The following LAMA3 variants were observed in gnomAD, a reference collection of about 807,000 sequenced individuals.
The protein encoded by LAMA3 is laminin subunit alpha-3.
A neutral mutation model predicts 402.0 loss-of-function variants in LAMA3; 281 were observed. The ratio of observed to expected loss-of-function variants is 0.70; its 90% CI spans 0.63 to 0.77. The LOEUF (loss-of-function observed/expected upper bound fraction) is 0.77. LAMA3 is among the 30% of genes least tolerant of loss of function. The probability of loss-of-function intolerance (pLI) is 0.00; values close to 1 mark genes in which losing one functional copy is unlikely to be tolerated. For missense variants in LAMA3, 3,840 were observed against 4,215.5 expected (o/e 0.91, Z 2.47); for synonymous variants, 1,431 against 1,558.4 (o/e 0.92, Z 1.93).
rs141466075 is a variant in LAMA3 at position 23,742,650 on chromosome 18, A to ATGTGTG, written c.448-5269_448-5264dup. Reference sequence around the variant, plus strand: ...GTAACTTCCTTTCAAAGAATCAAAAATGTGTGTGTGTGTGTGTGTGTGTGT... The same window carrying ATGTGTG: ...GTAACTTCCTTTCAAAGAATCAAAAATGTGTGTGTGTGTGTGTGTGTGTGTGTGTGT... On this transcript the variant is annotated intron_variant, in intron 2 of 74. Coordinates refer to ENST00000313654, the MANE Select transcript of LAMA3 (RefSeq NM_198129.4). Among the ~76,000 whole-genome samples the ATGTGTG allele has an allele frequency of 1.8e-3, 270 of 148,034 alleles. 2 individuals are homozygous for ATGTGTG. The highest frequency in any genetic ancestry group is 3.6e-3 in the Admixed American group (54 of 14,868).
intron 59 of LAMA3, 53 bp from the exon 60 acceptor site, chr18:23,916,498 G>A: frequency 1.3e-6 from 2 of 1,589,798 alleles, no homozygotes; most frequent in Non-Finnish European, 1.7e-6. Context: ...AAGCACACTG[G>A]CATGGTGATC....
intron 1 of LAMA3, among the ~76,000 whole-genome samples, chr18:23,709,259 G>A (rs977414025): frequency 6.6e-6 from 1 of 151,660 alleles, no homozygotes; most frequent in Non-Finnish European, 1.5e-5. Flanking sequence ...TTTTAGTAGA[G>A]ACGGGGTTTC....
At chr18:23,819,785 T>A (rs2063247762) in intron 18 of LAMA3, 56 bp from the exon 19 acceptor site, 9 of 1,461,824 alleles carry the variant, frequency 6.2e-6, no homozygotes, top group Middle Eastern at 1.7e-4. Flanking sequence ...TTAAAAGATG[T>A]TCAGATGATC....
In LAMA3 at chr18:23,897,451, A is replaced by G. The variant is rs1472514995; in HGVS notation, c.5614-1287A>G. Among the ~76,000 whole-genome samples the G allele has an allele frequency of 2.0e-5, 3 of 152,330 alleles. No homozygotes were observed. In the South Asian group the frequency reaches 6.2e-4, roughly 32 times the overall value. On this transcript the variant is annotated intron_variant, in intron 44 of 74. Transcript: ENST00000313654. ...CCACTGGCTTGCTTGGATTTCATCAACATGGCCCTGCAGCCTTCACCATTC... is the reference window on the plus strand; with the variant it reads ...CCACTGGCTTGCTTGGATTTCATCAGCATGGCCCTGCAGCCTTCACCATTC...
chr18:23,844,715 A>G (rs1428108994), intron 29 of LAMA3, among the ~76,000 whole-genome samples: 1 of 152,184 alleles, frequency 6.6e-6, no homozygotes, highest in Non-Finnish European at 1.5e-5. Context: ...CTTATCTGAA[A>G]TGATTGGGAC....
chr18:23,729,562 C>T (rs4800166), intron 2 of LAMA3, among the ~76,000 whole-genome samples: 7,571 of 152,084 alleles, frequency 0.05, 443 homozygotes, highest in Admixed American at 0.18. Context: ...TGTAAGTCTT[C>T]GAAAACTCTT....
At position 23,894,901 on chromosome 18, in the gene LAMA3, C is replaced by A. The variant is rs2080821703; in HGVS notation, c.5462-6C>A. 6.2e-7 allele frequency: 1 copy of A among 1,614,062 alleles called. No homozygotes were observed. Among genetic ancestry groups the A allele is most frequent in the Admixed American group, 1.7e-5 (1 of 60,008 alleles). ...GCACATTTGCCTTTGATTGTGGCCC[C>A]TACAGATTGCGACAGCTGTGTGATG... On this transcript the variant is annotated splice_region_variant and splice_polypyrimidine_tract_variant and intron_variant, in intron 43 of 74. Transcript: ENST00000313654.
chr18:23,709,189 G>A (rs929047257), intron 1 of LAMA3, among the ~76,000 whole-genome samples: 4 of 151,970 alleles, frequency 2.6e-5, no homozygotes, highest in African/African-American at 9.7e-5. Flanking sequence ...TCCCAACTCA[G>A]CCTCCCAAGT....
At chr18:23,793,092 A>G (rs1305340239) in intron 12 of LAMA3, among the ~76,000 whole-genome samples, 2 of 152,154 alleles carry the variant, frequency 1.3e-5, no homozygotes, top group Non-Finnish European at 2.9e-5. Context: ...TTCCACATTA[A>G]GGAATGGGCA....
chr18:23,895,207 G>C, intron 44 of LAMA3, 149 bp downstream of exon 44: 1 of 910,664 alleles, frequency 1.1e-6, no homozygotes, highest in South Asian at 1.5e-5. Flanking sequence ...GACTTTTCCT[G>C]GTGGAAAATC....
intron 38 of LAMA3, among the ~76,000 whole-genome samples, chr18:23,875,990 A>T (rs1035072468): frequency 6.6e-6 from 1 of 152,006 alleles, no homozygotes; most frequent in Non-Finnish European, 1.5e-5. Context: ...AAATATTCAC[A>T]CTCACTGAAG....
intron 32 of LAMA3, among the ~76,000 whole-genome samples, chr18:23,852,418 A>G (rs1052465169): frequency 3.9e-5 from 6 of 152,134 alleles, no homozygotes; most frequent in African/African-American, 1.2e-4. Flanking sequence ...TCTTCTTGGC[A>G]TGTATTTCTG....
At chr18:23,837,367 C>A (rs2063603963) in intron 25 of LAMA3, 9 of 382,052 alleles carry the variant, frequency 2.4e-5, no homozygotes, top group South Asian at 1.9e-4. Flanking sequence ...AAGAAAATGT[C>A]TTCTGTTATT....
At chr18:23,856,180 T>A (rs1487809777) in intron 32 of LAMA3, among the ~76,000 whole-genome samples, 1 of 152,228 alleles carries the variant, frequency 6.6e-6, no homozygotes, top group Non-Finnish European at 1.5e-5. Context: ...GTTACCTGGT[T>A]CCAAGTTTAT....
intron 1 of LAMA3, among the ~76,000 whole-genome samples, chr18:23,712,806 C>T (rs1487372627): frequency 2.6e-5 from 4 of 151,278 alleles, no homozygotes; most frequent in East Asian, 1.9e-4. Context: ...ACCTCTTTGT[C>T]ACAGCACATT....
At chr18:23,939,464 A>G in intron 68 of LAMA3, 78 bp downstream of exon 68, 3 of 1,411,208 alleles carry the variant, frequency 2.1e-6, no homozygotes, top group South Asian at 2.3e-5. Context: ...TCTGACTGCC[A>G]TGACACCATG....
chr18:23,703,737 G>A (rs1272201819), intron 1 of LAMA3, among the ~76,000 whole-genome samples: 1 of 152,038 alleles, frequency 6.6e-6, no homozygotes, highest in Non-Finnish European at 1.5e-5. Flanking sequence ...CCTATCTCTA[G>A]GAACCAGGCA....
At chr18:23,878,111 CAAAACAAAACA>C (rs2064782156) in intron 39 of LAMA3, among the ~76,000 whole-genome samples, 1 of 152,000 alleles carries the variant, frequency 6.6e-6, no homozygotes, top group African/African-American at 2.4e-5. Context: ...GTCTAAAAAA[CAAAACAAAACA>C]AAAACAAAAA....
At chr18:23,904,773 A>C in intron 51 of LAMA3, 79 bp downstream of exon 51, 2 of 1,414,628 alleles carry the variant, frequency 1.4e-6, no homozygotes, top group Non-Finnish European at 2.0e-6. Flanking sequence ...GTGGGCTCCA[A>C]GGAATAGAAA....
Sources: allele counts gnomAD v4.1 joint callset (sites outside exome capture counted in the v4.1 genomes callset), GRCh38; gene constraint gnomAD v4.1.1; transcripts MANE v1.5; gene names NCBI Gene and HGNC (gene_info 2026-07-23, HGNC 2026-07-21).